Variants in DEK observed in about 807,000 individuals in gnomAD.
DEK encodes the protein protein DEK.
A neutral mutation model predicts 46.8 loss-of-function variants in DEK; 28 were observed. The observed-to-expected ratio is 0.60, with a 90% CI of 0.44 to 0.82. The LOEUF is 0.82. Ranked by LOEUF, DEK falls within the 40% of genes least tolerant of loss-of-function variation. The pLI is 0.00. For missense variants in DEK, 416 were observed against 430.6 expected (o/e 0.97, Z 0.30); for synonymous variants, 160 against 144.5 (o/e 1.11, Z -0.77).
At chr6:18,263,766 A>G (rs1018403954) in intron 2 of DEK, 77 bp downstream of exon 2, 2 of 1,609,324 alleles carry the variant, frequency 1.2e-6, no homozygotes, top group African/African-American at 1.3e-5. Context: ...AAAGAGCAAG[A>G]AAACTGTTTC....
At chr6:18,261,085 T>C (rs559688713) in intron 2 of DEK, among the ~76,000 whole-genome samples, 38 of 151,900 alleles carry the variant, frequency 2.5e-4, no homozygotes, top group Admixed American at 5.9e-4. Context: ...CAAGGCTCTA[T>C]TGGCTAGTGG....
chr6:18,240,478 G>C (rs963019189), intron 7 of DEK, among the ~76,000 whole-genome samples: 2 of 152,128 alleles, frequency 1.3e-5, no homozygotes, highest in Admixed American at 6.5e-5. Context: ...CAAAACAAAA[G>C]AAACAATAGT....
intron 1 of DEK, 119 bp downstream of exon 1, chr6:18,264,248 TGTTCCCGGCCCGGCCCGA>T: frequency 3.8e-6 from 1 of 262,520 alleles, no homozygotes; most frequent in Non-Finnish European, 7.1e-6. Context: ...CGGCCTGCGC[TGTTCCCGGCCCGGCCCGA>T]GCTGCCGGCC....
intron 2 of DEK, among the ~76,000 whole-genome samples, chr6:18,262,684 A>T (rs2151096954): frequency 6.6e-6 from 1 of 152,350 alleles, no homozygotes; most frequent in East Asian, 1.9e-4. Flanking sequence ...CCAAAATACA[A>T]ACAAAAAATT....
intron 7 of DEK, among the ~76,000 whole-genome samples, chr6:18,247,628 G>A (rs1425948590): frequency 6.6e-6 from 1 of 152,012 alleles, no homozygotes; most frequent in Non-Finnish European, 1.5e-5. Context: ...ACAGAACTAT[G>A]GGACAACAAT....
rs779704922 is a variant in DEK, at chr6:18,225,105, A to C, written c.*614T>G. The C allele has an allele frequency of 5.6e-5, 12 of 215,024 alleles. No homozygotes were observed. The highest frequency in any genetic ancestry group is 6.6e-5 in the Non-Finnish European group (7 of 106,348). 13.3% of individuals were successfully genotyped at this position (215,024 alleles called of 1,614,324 possible). ...GTGATCTGCACAAAAGAAATAAAAA[A>C]ACTTTATATACAACCAATTGTTTTT... On this transcript the variant is annotated 3_prime_UTR_variant, in exon 11 of 11. Coordinates refer to ENST00000652689, the MANE Select transcript of DEK (RefSeq NM_003472.4).
chr6:18,249,758 G>A lies in DEK; in HGVS notation c.655C>T (p.Arg219Ter), dbSNP rs754768955. ...GACAGAATTTCAGGACATTTGGTTC[G>A]CTTAGCCTTCCTTGCCATTCCAGAA... ...NSSGMARKAK[R>*]TKCPEILSDE... Residue 219 changes from arginine (R) to a stop codon, truncating the protein, a stop_gained, in exon 7 of 11, where the codon CGA becomes TGA. Coordinates refer to ENST00000652689, the MANE Select transcript of DEK (RefSeq NM_003472.4). LOFTEE classifies it high-confidence loss of function. 5.0e-6 allele frequency: 8 copies of A among 1,613,048 alleles called. No individual in the cohort carries two copies. The highest frequency in any genetic ancestry group is 1.3e-5 in the African/African-American group (1 of 74,636).
rs780584477 is a variant in DEK at position 18,224,947 on chromosome 6, C to T, written c.*772G>A. 1 of 215,828 alleles carries T rather than the reference C, an allele frequency of 4.6e-6. No individual in the cohort carries two copies. The allele number at this position is 215,828 out of a possible 1,614,324, so 13.4% of individuals were successfully genotyped here. A position where few individuals can be genotyped will look rare whatever the true frequency, so the allele number is the denominator to read the frequency against. ...TTACAAATTGATGACACTTTCGAGG[C>T]AAAGCAGGGTAACTGTTCCTTCAGT... On this transcript the variant is annotated 3_prime_UTR_variant, in exon 11 of 11. Coordinates refer to ENST00000652689, the MANE Select transcript of DEK (RefSeq NM_003472.4).
chr6:18,258,907 A>C (rs1216631235), intron 2 of DEK, among the ~76,000 whole-genome samples: 1 of 152,228 alleles, frequency 6.6e-6, no homozygotes, highest in Non-Finnish European at 1.5e-5. Flanking sequence ...GAACAGCCTG[A>C]AGTACGTGGA....
intron 9 of DEK, among the ~76,000 whole-genome samples, 175 bp from the exon 10 acceptor site, chr6:18,226,417 T>C (rs1289037997): frequency 6.6e-6 from 1 of 152,222 alleles, no homozygotes; most frequent in Non-Finnish European, 1.5e-5. Context: ...TAATATTGTA[T>C]ATGATGTGGA....
chr6:18,253,294 GA>G (rs1395571732), intron 6 of DEK, among the ~76,000 whole-genome samples: 1 of 152,106 alleles, frequency 6.6e-6, no homozygotes, highest in Non-Finnish European at 1.5e-5. Flanking sequence ...TCACTTCAAG[GA>G]AAACTGAGAG....
intron 2 of DEK, among the ~76,000 whole-genome samples, chr6:18,258,812 G>A (rs979192660): frequency 7.9e-5 from 12 of 152,080 alleles, no homozygotes; most frequent in Non-Finnish European, 7.4e-5. Flanking sequence ...TTTAGACTGG[G>A]AGATTAAGAA....
At position 18,263,720 on chromosome 6, in the gene DEK, C is replaced by G. The variant is rs1791975981; in HGVS notation, c.145+123G>C. On this transcript the variant is annotated intron_variant, in intron 2 of 10. Coordinates refer to ENST00000652689, the MANE Select transcript of DEK (RefSeq NM_003472.4). Reference sequence around the variant, plus strand: ...CAGATAAATTGTGCACACATTCTCGCTGAAAATCACTCCGACTTCACGCCT... The same window carrying G: ...CAGATAAATTGTGCACACATTCTCGGTGAAAATCACTCCGACTTCACGCCT... 3 of 1,587,418 alleles carry G rather than the reference C, an allele frequency of 1.9e-6. No homozygotes were observed. The Admixed American group carries it at 5.7e-5, about 30-fold the overall frequency.
At chr6:18,254,772 T>A (rs1030260802) in intron 6 of DEK, among the ~76,000 whole-genome samples, 1 of 152,186 alleles carries the variant, frequency 6.6e-6, no homozygotes, top group East Asian at 1.9e-4. Context: ...ATAGTAAAAG[T>A]TAGAAAATAA....
At position 18,225,565 on chromosome 6, in the gene DEK, T is replaced by C; in HGVS notation, c.*154A>G. 1.4e-6 allele frequency: 1 copy of C among 734,144 alleles called. No individual in the cohort carries two copies. The highest frequency in any genetic ancestry group is 2.1e-6 in the Non-Finnish European group (1 of 476,570). 45.5% of individuals were successfully genotyped at this position (734,144 alleles called of 1,614,324 possible). Reference sequence around the variant, plus strand: ...GCAATTTAAAACAGCAAACTCAAATTCACATAACACTCAAGATAAAAAGGT... The same window carrying C: ...GCAATTTAAAACAGCAAACTCAAATCCACATAACACTCAAGATAAAAAGGT... On this transcript the variant is annotated 3_prime_UTR_variant, in exon 11 of 11. Transcript: ENST00000652689.
In DEK at chr6:18,264,418, AG is replaced by A; in HGVS notation, c.-44del. On this transcript the variant is annotated 5_prime_UTR_variant, in exon 1 of 11. Coordinates refer to ENST00000652689, the MANE Select transcript of DEK (RefSeq NM_003472.4). ...TCGGCCGCCGCGGGCCTGGCACGCG[AG>A]GGCACGAGGAGGTTCTGGGAGGCGG... is the stretch of plus-strand genomic sequence containing the variant. 3.9e-6 allele frequency: 1 copy of A among 257,918 alleles called. No individual in the cohort carries two copies. Among genetic ancestry groups the A allele is most frequent in the South Asian group, 3.2e-5 (1 of 31,010 alleles). The allele number at this position is 257,918 out of a possible 1,614,324, so 16.0% of individuals were successfully genotyped here. A position where few individuals can be genotyped will look rare whatever the true frequency, so the allele number is the denominator to read the frequency against.
chr6:18,253,965 AG>A (rs1791498248), intron 6 of DEK, among the ~76,000 whole-genome samples: 1 of 152,076 alleles, frequency 6.6e-6, no homozygotes, highest in Admixed American at 6.5e-5. Context: ...GGCCTCCCAA[AG>A]GGCAGGGATT....
intron 7 of DEK, among the ~76,000 whole-genome samples, chr6:18,244,285 C>T (rs1355370328): frequency 1.3e-5 from 2 of 152,128 alleles, no homozygotes; most frequent in African/African-American, 4.8e-5. Flanking sequence ...TCAACTATTT[C>T]AGATGTTCTA....
In DEK at chr6:18,224,213, T is replaced by A. The variant is rs1790008945; in HGVS notation, c.*1506A>T. On this transcript the variant is annotated 3_prime_UTR_variant, in exon 11 of 11. Coordinates refer to ENST00000652689, the MANE Select transcript of DEK (RefSeq NM_003472.4). ...GATTTATTTTTATTGACAAGGTTTA[T>A]AAGAACAAATATTTAAAATCGAAGG... 5.6e-6 allele frequency: 1 copy of A among 177,474 alleles called. No individual in the cohort carries two copies. Among genetic ancestry groups the A allele is most frequent in the Admixed American group, 6.3e-5 (1 of 15,858 alleles). The allele number at this position is 177,474 out of a possible 1,614,324, so 11.0% of individuals were successfully genotyped here.
Sources: allele counts gnomAD v4.1 joint callset (sites outside exome capture counted in the v4.1 genomes callset), GRCh38; gene constraint gnomAD v4.1.1; transcripts MANE v1.5; gene names NCBI Gene and HGNC (gene_info 2026-07-23, HGNC 2026-07-21).